Variants in DPP6 observed in about 807,000 individuals in gnomAD.
The protein encoded by DPP6 is dipeptidyl peptidase like 6.
A neutral mutation model predicts 122.6 loss-of-function variants in DPP6; 69 were observed. That is an observed-to-expected ratio of 0.56 (90% CI 0.46 to 0.69). The LOEUF is 0.69. Among genes scored for constraint, DPP6 ranks in the 30% least tolerant of loss-of-function variants. DPP6 has a pLI of 0.00. For synonymous variants in DPP6, 418 were observed against 433.1 expected (o/e 0.97, Z 0.43); for missense variants, 928 against 1,116.9 (o/e 0.83, Z 2.41).
intron 1 of DPP6, among the ~76,000 whole-genome samples, chr7:154,208,644 T>C (rs1200736340): frequency 6.6e-6 from 1 of 152,204 alleles, no homozygotes; most frequent in Non-Finnish European, 1.5e-5. Flanking sequence ...CACAGTTTAA[T>C]TGGCAATTGT....
intron 16 of DPP6, among the ~76,000 whole-genome samples, chr7:154,837,030 G>A (rs528380461): frequency 6.6e-6 from 1 of 152,334 alleles, no homozygotes; most frequent in Non-Finnish European, 1.5e-5. Flanking sequence ...TGAGTCCTGG[G>A]CTGGTGTGGG....
rs549418155 is a variant in DPP6 at position 154,542,334 on chromosome 7, T to G, written c.552+1708T>G. Among the ~76,000 whole-genome samples, 69 of 152,324 alleles carry G rather than the reference T, an allele frequency of 4.5e-4. 1 individual carries two copies. Among genetic ancestry groups the G allele is most frequent in the African/African-American group, 1.4e-3 (58 of 41,574 alleles). ...AAATACTAACGTTGTAGAAATGGTTTTCTAATATTAATAGAGAGGATAAAA... is the reference window on the plus strand; with the variant it reads ...AAATACTAACGTTGTAGAAATGGTTGTCTAATATTAATAGAGAGGATAAAA... On this transcript the variant is annotated intron_variant, in intron 4 of 25. Coordinates refer to ENST00000377770, the MANE Select transcript of DPP6 (RefSeq NM_130797.4).
intron 1 of DPP6, among the ~76,000 whole-genome samples, chr7:154,063,675 C>T (rs202215594): frequency 0.28 from 31,114 of 110,346 alleles, 4,725 homozygotes; most frequent in East Asian, 0.44. Context: ...GGACCCCCAT[C>T]CCAGCGGGGG....
intron 16 of DPP6, among the ~76,000 whole-genome samples, chr7:154,847,143 G>A (rs1384088852): frequency 1.3e-5 from 2 of 152,160 alleles, no homozygotes; most frequent in Non-Finnish European, 2.9e-5. Context: ...ATCTTCAGAT[G>A]TCATGGATAT....
At chr7:154,048,393 C>T (rs1473293468), upstream of DPP6, among the ~76,000 whole-genome samples, 1 of 98,430 alleles carries the variant, frequency 1.0e-5, no homozygotes, top group African/African-American at 4.6e-5. Flanking sequence ...TACTACCCAG[C>T]CCCTAGTGGA....
chr7:154,796,397 T>G (rs1277886497), intron 12 of DPP6, among the ~76,000 whole-genome samples: 1 of 152,148 alleles, frequency 6.6e-6, no homozygotes, highest in South Asian at 2.1e-4. Flanking sequence ...GGAACACACA[T>G]TAAAACAGAC....
intron 19 of DPP6, among the ~76,000 whole-genome samples, chr7:154,874,567 C>T (rs954203010): frequency 6.6e-6 from 1 of 152,252 alleles, no homozygotes; most frequent in African/African-American, 2.4e-5. Context: ...CGACATAGAG[C>T]AGCACCATGA....
rs547983684 is a variant in DPP6 at position 154,241,302 on chromosome 7, A to G, written c.243+188239A>G. Among the ~76,000 whole-genome samples the G allele has an allele frequency of 1.6e-4, 25 of 151,946 alleles. No homozygotes were observed. Among genetic ancestry groups the G allele is most frequent in the East Asian group, 1.9e-4 (1 of 5,164 alleles). On this transcript the variant is annotated intron_variant, in intron 1 of 25. Transcript: ENST00000377770. The surrounding 1 kb of genome is among the most constrained non-coding windows in gnomAD (Gnocchi z 9.0). ...TCATAACTATGTTTTCCATTAAAGT[A>G]TGTTTTCCATTAAAATGTACTAAAT...
At chr7:153,965,391 A>G (rs1021709288) in intron 1 of DPP6, among the ~76,000 whole-genome samples, 4 of 152,108 alleles carry the variant, frequency 2.6e-5, no homozygotes, top group African/African-American at 9.7e-5. Context: ...AGCGCTCCTC[A>G]TGGCCACTGA....
chr7:154,267,931 T>C (rs561381618), intron 1 of DPP6, among the ~76,000 whole-genome samples: 3 of 149,082 alleles, frequency 2.0e-5, no homozygotes, highest in African/African-American at 7.5e-5. Context: ...TATTTATGTG[T>C]GTGTATATAT....
intron 1 of DPP6, among the ~76,000 whole-genome samples, chr7:154,229,148 A>G (rs1484293206): frequency 1.3e-5 from 2 of 152,186 alleles, no homozygotes; most frequent in East Asian, 1.9e-4. Flanking sequence ...CAGAAAGCCA[A>G]CAAGCAAAAT....
chr7:154,521,632 G>A (rs2129974078), intron 3 of DPP6, among the ~76,000 whole-genome samples: 1 of 152,314 alleles, frequency 6.6e-6, no homozygotes, highest in South Asian at 2.1e-4. Flanking sequence ...AGCCACTAAA[G>A]TCATCTTTGA....
intron 1 of DPP6, among the ~76,000 whole-genome samples, chr7:154,082,035 G>T (rs1275362620): frequency 6.6e-6 from 1 of 152,084 alleles, no homozygotes; most frequent in African/African-American, 2.4e-5. Flanking sequence ...GGACTGTGTG[G>T]TCTGCTTGGA....
At chr7:154,416,514 TTTA>T (rs1246764116) in intron 1 of DPP6, among the ~76,000 whole-genome samples, 1 of 152,216 alleles carries the variant, frequency 6.6e-6, no homozygotes, top group Non-Finnish European at 1.5e-5. Flanking sequence ...CATGTTCTAT[TTTA>T]TTATTAATTC....
At chr7:154,249,059 A>G (rs1802181219) in intron 1 of DPP6, among the ~76,000 whole-genome samples, 1 of 152,256 alleles carries the variant, frequency 6.6e-6, no homozygotes, top group African/African-American at 2.4e-5. Flanking sequence ...TGTAAGAGCC[A>G]TAGATAAGAA....
chr7:154,108,837 T>G (rs1194168831), intron 1 of DPP6, among the ~76,000 whole-genome samples: 4 of 152,234 alleles, frequency 2.6e-5, no homozygotes, highest in African/African-American at 9.6e-5. Flanking sequence ...GGGCCTCGGC[T>G]AAATCCTTAC....
chr7:153,987,919 C>T (rs994509912), intron 1 of DPP6, among the ~76,000 whole-genome samples: 2 of 152,048 alleles, frequency 1.3e-5, no homozygotes, highest in Admixed American at 6.6e-5. Context: ...GCTTTGTCAC[C>T]GGCCAGTATG....
chr7:153,821,806 A>G, the DPP6 span, among the ~76,000 whole-genome samples: 1 of 150,756 alleles, frequency 6.6e-6, no homozygotes, highest in African/African-American at 2.4e-5. Flanking sequence ...GAGGCAGATT[A>G]AAGACCACAA....
chr7:154,020,129 C>T (rs1168539609), intron 1 of DPP6, among the ~76,000 whole-genome samples: 1 of 152,012 alleles, frequency 6.6e-6, no homozygotes, highest in Non-Finnish European at 1.5e-5. Flanking sequence ...CACACACACA[C>T]TCATACAGCA....
Sources: allele counts gnomAD v4.1 joint callset (sites outside exome capture counted in the v4.1 genomes callset), GRCh38; gene constraint gnomAD v4.1.1; non-coding constraint Gnocchi (gnomAD v3.1); transcripts MANE v1.5; gene names NCBI Gene and HGNC (gene_info 2026-07-23, HGNC 2026-07-21).